RXYLT1: variants seen among roughly 807,000 people sequenced by gnomAD.
The protein encoded by RXYLT1 is ribitol-5-phosphate xylosyltransferase 1.
Under a neutral mutation model 43.5 loss-of-function variants are expected in RXYLT1, and 41 were observed. The observed-to-expected ratio is 0.94, with a 90% CI of 0.73 to 1.22. RXYLT1 has a LOEUF of 1.22. Ranked by LOEUF, RXYLT1 falls within the 50% of genes most tolerant of loss-of-function variation. The pLI is 0.00. For missense variants in RXYLT1, 514 were observed against 532.0 expected (o/e 0.97, Z 0.33); for synonymous variants, 166 against 194.4 (o/e 0.85, Z 1.21).
chr12:63,808,181 CTG>C lies in RXYLT1; in HGVS notation c.915-491_915-490del, dbSNP rs1457122466. The C allele has an allele frequency of 3.8e-5, 6 of 157,074 alleles. No individual in the cohort carries two copies. The East Asian group carries it at 1.1e-3, about 30-fold the overall frequency. The allele number at this position is 157,074 out of a possible 1,614,324, so 9.7% of individuals were successfully genotyped here. A position where few individuals can be genotyped will look rare whatever the true frequency, so the allele number is the denominator to read the frequency against. On this transcript the variant is annotated intron_variant, in intron 5 of 5. Coordinates refer to ENST00000261234, the MANE Select transcript of RXYLT1 (RefSeq NM_014254.3). ...GTGGCTTGCTCCTTCATCCCCAACT[CTG>C]TGCTCAGATGCTGCCGCAGTAAGAC...
Position 63,809,464 on chromosome 12 carries a change from A to G in RXYLT1, c.*372A>G, listed in dbSNP as rs978458526. The G allele has an allele frequency of 3.4e-5, 6 of 174,140 alleles. No individual in the cohort carries two copies. The highest frequency in any genetic ancestry group is 9.6e-5 in the African/African-American group (4 of 41,742). The allele number at this position is 174,140 out of a possible 1,614,324, so 10.8% of individuals were successfully genotyped here. A position where few individuals can be genotyped will look rare whatever the true frequency, so the allele number is the denominator to read the frequency against. ...TATTTAATAATGACAATAAATGACT[A>G]TGTTACTGGTTTATGTATTTACTAT... is the stretch of plus-strand genomic sequence containing the variant. On this transcript the variant is annotated 3_prime_UTR_variant, in exon 6 of 6. Coordinates refer to ENST00000261234, the MANE Select transcript of RXYLT1 (RefSeq NM_014254.3).
At chr12:63,808,592 T>C in intron 5 of RXYLT1, 83 bp from the exon 6 acceptor site, 1 of 1,469,426 alleles carries the variant, frequency 6.8e-7, no homozygotes. Flanking sequence ...CTGAAACTGA[T>C]TTTATTAAAA....
chr12:63,796,275 G>A (rs1898029118), intron 3 of RXYLT1, among the ~76,000 whole-genome samples: 1 of 152,192 alleles, frequency 6.6e-6, no homozygotes, highest in Non-Finnish European at 1.5e-5. Context: ...GAATACCTCA[G>A]AAACAACATC....
At chr12:63,796,963 C>CTTTTTTTTTT (rs776895611) in intron 3 of RXYLT1, among the ~76,000 whole-genome samples, 2 of 132,330 alleles carry the variant, frequency 1.5e-5, no homozygotes, top group Non-Finnish European at 3.2e-5. Context: ...TTTTCTTTTT[C>CTTTTTTTTTT]TTTTTTTTTT....
intron 3 of RXYLT1, among the ~76,000 whole-genome samples, chr12:63,785,982 G>T (rs1897791885): frequency 6.6e-6 from 1 of 151,972 alleles, no homozygotes; most frequent in African/African-American, 2.4e-5. Flanking sequence ...AAGTAAACAG[G>T]TTTTTAAAAT....
intron 3 of RXYLT1, among the ~76,000 whole-genome samples, chr12:63,786,156 G>C (rs994548458): frequency 1.3e-5 from 2 of 152,130 alleles, no homozygotes; most frequent in Non-Finnish European, 2.9e-5. Context: ...GTAAATGTGT[G>C]TTAGGAATAT....
chr12:63,799,302 C>CTTTTTTTTTTT (rs11312130), intron 3 of RXYLT1, among the ~76,000 whole-genome samples: 15 of 71,620 alleles, frequency 2.1e-4, no homozygotes, highest in Non-Finnish European at 2.8e-4. Flanking sequence ...CTTTTCTTTT[C>CTTTTTTTTTTT]TTTTTTTTTT....
intron 4 of RXYLT1, among the ~76,000 whole-genome samples, chr12:63,803,277 T>G (rs1898207828): frequency 6.6e-6 from 1 of 151,912 alleles, no homozygotes; most frequent in African/African-American, 2.4e-5. Context: ...AATAGGATGT[T>G]TTTAATTAAG....
chr12:63,809,061 A>G lies in RXYLT1; in HGVS notation c.1301A>G (p.Glu434Gly), dbSNP rs771008596. Residue 434 changes from glutamate to glycine, a missense_variant, in exon 6 of 6, where the codon GAA (glutamate) becomes GGA (glycine). By Grantham distance (98) the Glu-to-Gly change is moderately conservative. Coordinates refer to ENST00000261234, the MANE Select transcript of RXYLT1 (RefSeq NM_014254.3). ...AAAATGAAATTTACTAATATTTTAG[A>G]AAGCTCATTTTTAATGAATAATAAA... is the stretch of plus-strand genomic sequence containing the variant. ...ELKMKFTNIL[E>G]SSFLMNNKS is the part of the protein sequence containing the mutation. 3 of 1,561,410 alleles carry G rather than the reference A, an allele frequency of 1.9e-6. No homozygotes were observed. In the South Asian group the frequency reaches 3.6e-5, roughly 19 times the overall value.
chr12:63,786,338 G>T (rs999971813), intron 3 of RXYLT1, among the ~76,000 whole-genome samples: 1 of 152,118 alleles, frequency 6.6e-6, no homozygotes, highest in African/African-American at 2.4e-5. Context: ...TGAAATATTT[G>T]TGGGAGATTT....
intron 3 of RXYLT1, chr12:63,785,310 T>G: frequency 4.7e-6 from 1 of 213,318 alleles, no homozygotes; most frequent in Non-Finnish European, 9.3e-6. Flanking sequence ...TGTTTTATTT[T>G]TACCTAATTA....
At chr12:63,787,588 C>G (rs1897833296) in intron 3 of RXYLT1, among the ~76,000 whole-genome samples, 1 of 152,138 alleles carries the variant, frequency 6.6e-6, no homozygotes, top group African/African-American at 2.4e-5. Context: ...CTGTCTGTGG[C>G]AGCTATAGCC....
At chr12:63,792,393 C>G (rs187681564) in intron 3 of RXYLT1, among the ~76,000 whole-genome samples, 247 of 152,312 alleles carry the variant, frequency 1.6e-3, no homozygotes, top group African/African-American at 5.8e-3. Context: ...GATGTCTCAC[C>G]CAAGCCCATG....
intron 2 of RXYLT1, among the ~76,000 whole-genome samples, chr12:63,783,605 C>T (rs1270472760): frequency 6.6e-6 from 1 of 152,192 alleles, no homozygotes; most frequent in Non-Finnish European, 1.5e-5. Flanking sequence ...TTTCTATCTG[C>T]AGGTTATTCA....
At position 63,809,140 on chromosome 12, in the gene RXYLT1, G is replaced by A; in HGVS notation, c.*48G>A. 1 of 1,297,514 alleles carries A rather than the reference G, an allele frequency of 7.7e-7. No homozygotes were observed. Among genetic ancestry groups the A allele is most frequent in the Non-Finnish European group, 1.1e-6 (1 of 950,788 alleles). The allele number at this position is 1,297,514 out of a possible 1,614,324, so 80.4% of individuals were successfully genotyped here. On this transcript the variant is annotated 3_prime_UTR_variant, in exon 6 of 6. Transcript: ENST00000261234. ...GATTTTTAAAATCATTTTGACTACTGGGTGTATAAATGTGTTTGTGTGTGT... is the reference window on the plus strand; with the variant it reads ...GATTTTTAAAATCATTTTGACTACTAGGTGTATAAATGTGTTTGTGTGTGT...
intron 3 of RXYLT1, among the ~76,000 whole-genome samples, chr12:63,786,794 T>A (rs1897812680): frequency 6.6e-6 from 1 of 152,220 alleles, no homozygotes; most frequent in Non-Finnish European, 1.5e-5. Context: ...GTGGCATTTT[T>A]ACCCATAGAA....
chr12:63,786,663 G>A lies in RXYLT1; in HGVS notation c.428+1591G>A, dbSNP rs552089547. Among the ~76,000 whole-genome samples, 24 of 152,302 alleles carry A rather than the reference G, an allele frequency of 1.6e-4. No individual in the cohort carries two copies. The East Asian group carries it at 4.2e-3, about 27-fold the overall frequency. On this transcript the variant is annotated intron_variant, in intron 3 of 5. Transcript: ENST00000261234. Reference sequence around the variant, plus strand: ...CAGTGTATTGATGACTAATCAGGGTGGTGGTTGCTGAAGGCTGGGGTGGCT... The same window carrying A: ...CAGTGTATTGATGACTAATCAGGGTAGTGGTTGCTGAAGGCTGGGGTGGCT...
At chr12:63,806,761 C>G (rs183723281) in intron 5 of RXYLT1, 27 of 152,384 alleles carry the variant, frequency 1.8e-4, no homozygotes, top group African/African-American at 5.8e-4. Flanking sequence ...CTCATGTCAG[C>G]AGACAAAACC....
rs189204236 is a variant in RXYLT1 at position 63,789,923 on chromosome 12, G to A, written c.428+4851G>A. 6.8e-4 allele frequency among the ~76,000 whole-genome samples: 103 copies of A among 152,290 alleles called. 1 individual carries two copies. Among genetic ancestry groups the A allele is most frequent in the African/African-American group, 2.5e-3 (102 of 41,568 alleles). On this transcript the variant is annotated intron_variant, in intron 3 of 5. Coordinates refer to ENST00000261234, the MANE Select transcript of RXYLT1 (RefSeq NM_014254.3). ...GTAACGGCTCACCTTGAAGATATTG[G>A]AAGAATTTGTAAGTACTGTTAAGAT...
Sources: allele counts gnomAD v4.1 joint callset (sites outside exome capture counted in the v4.1 genomes callset), GRCh38; gene constraint gnomAD v4.1.1; transcripts MANE v1.5; gene names NCBI Gene and HGNC (gene_info 2026-07-23, HGNC 2026-07-21).